EBF2: variants seen among roughly 807,000 people sequenced by gnomAD.
EBF2 encodes the protein transcription factor COE2.
Under a neutral mutation model 72.8 loss-of-function variants are expected in EBF2, and 21 were observed. The observed-to-expected ratio is 0.29, with a 90% CI of 0.20 to 0.42. The LOEUF (loss-of-function observed/expected upper bound fraction) is 0.42. Ranked by LOEUF, EBF2 falls within the 10% of genes least tolerant of loss-of-function variation. The probability of loss-of-function intolerance (pLI) is 1.00; values close to 1 mark genes in which losing one functional copy is unlikely to be tolerated. For synonymous variants in EBF2, 299 were observed against 274.2 expected, an observed-to-expected ratio of 1.09 and a Z score of -0.89; for missense variants, 637 against 731.2, an observed-to-expected ratio of 0.87 and a Z score of 1.49.
intron 5 of EBF2, among the ~76,000 whole-genome samples, chr8:26,035,692 A>G (rs1386246529): frequency 6.6e-6 from 1 of 152,186 alleles, no homozygotes; most frequent in East Asian, 1.9e-4. Flanking sequence ...TAGGAAGGAA[A>G]AGAAAAATGG....
intron 6 of EBF2, among the ~76,000 whole-genome samples, chr8:25,934,221 GCATACACACACA>G (rs1249945340): frequency 8.3e-4 from 90 of 108,192 alleles, no homozygotes; most frequent in African/African-American, 3.1e-3. Flanking sequence ...GACTTCATGT[GCATACACACACA>G]CACACACACA....
chr8:25,870,169 G>C (rs574975413), intron 10 of EBF2, among the ~76,000 whole-genome samples: 34 of 152,212 alleles, frequency 2.2e-4, no homozygotes, highest in African/African-American at 8.2e-4. Context: ...GAATCAACTA[G>C]CAAACACAAA....
intron 10 of EBF2, among the ~76,000 whole-genome samples, chr8:25,865,821 C>A (rs113886966): frequency 1.3e-5 from 2 of 151,388 alleles, no homozygotes; most frequent in African/African-American, 4.9e-5. Flanking sequence ...GTCAGGAGAT[C>A]GAGACTATCC....
chr8:25,879,658 C>G (rs1341250447), intron 10 of EBF2, among the ~76,000 whole-genome samples: 1 of 152,126 alleles, frequency 6.6e-6, no homozygotes, highest in Non-Finnish European at 1.5e-5. Context: ...TTCCTCCTAC[C>G]CTGACCACTC....
At chr8:25,852,451 C>T (rs1246218914) in intron 14 of EBF2, among the ~76,000 whole-genome samples, 1 of 152,222 alleles carries the variant, frequency 6.6e-6, no homozygotes, top group African/African-American at 2.4e-5. Flanking sequence ...TCTACAACAG[C>T]AGAACCTCCT....
At chr8:26,004,280 A>C (rs1804790377) in intron 6 of EBF2, among the ~76,000 whole-genome samples, 4 of 152,158 alleles carry the variant, frequency 2.6e-5, no homozygotes, top group Admixed American at 2.6e-4. Context: ...TTTTGGTAAA[A>C]TAGTTGCAAG....
At chr8:25,947,221 C>T (rs965357497) in intron 6 of EBF2, among the ~76,000 whole-genome samples, 17 of 152,034 alleles carry the variant, frequency 1.1e-4, no homozygotes, top group Non-Finnish European at 1.5e-4. Context: ...GTGGGTTTTT[C>T]CCATGATGTT....
chr8:25,910,883 T>C (rs1803114831), intron 6 of EBF2, among the ~76,000 whole-genome samples: 1 of 152,180 alleles, frequency 6.6e-6, no homozygotes, highest in Admixed American at 6.5e-5. Flanking sequence ...TAGTATCTTC[T>C]AAAAGAAGGT....
At chr8:25,850,896 A>G in intron 14 of EBF2, 135 bp from the exon 15 acceptor site, 4 of 963,630 alleles carry the variant, frequency 4.2e-6, no homozygotes, top group Non-Finnish European at 4.4e-6. Flanking sequence ...AAAAAAGTTG[A>G]ATGTGACAAC....
chr8:25,988,554 A>C (rs557709155), intron 6 of EBF2, among the ~76,000 whole-genome samples: 1 of 152,226 alleles, frequency 6.6e-6, no homozygotes, highest in African/African-American at 2.4e-5. Context: ...TCAATGAATA[A>C]ATCATCTGCT....
At chr8:25,947,399 C>T (rs576632383) in intron 6 of EBF2, among the ~76,000 whole-genome samples, 18 of 152,296 alleles carry the variant, frequency 1.2e-4, no homozygotes, top group Admixed American at 2.0e-4. Context: ...AAACCTCTTT[C>T]CTTTACAAAT....
chr8:26,024,068 A>T (rs1805258218), intron 6 of EBF2, among the ~76,000 whole-genome samples: 3 of 152,102 alleles, frequency 2.0e-5, no homozygotes, highest in African/African-American at 7.2e-5. Flanking sequence ...TAATCTCTCC[A>T]ACTTCTCTTA....
At chr8:25,854,082 A>G (rs898462084) in intron 14 of EBF2, among the ~76,000 whole-genome samples, 10 of 152,164 alleles carry the variant, frequency 6.6e-5, no homozygotes, top group Non-Finnish European at 1.5e-4. Context: ...ATTACATTTT[A>G]AAAATGGAAA....
At chr8:26,033,002 A>T in intron 6 of EBF2, 83 bp downstream of exon 6, 1 of 1,320,014 alleles carries the variant, frequency 7.6e-7, no homozygotes, top group Non-Finnish European at 1.1e-6. Flanking sequence ...CTTGACAGCA[A>T]AGCTCCATGG....
At chr8:25,885,878 A>C (rs912296451) in intron 10 of EBF2, among the ~76,000 whole-genome samples, 2 of 152,164 alleles carry the variant, frequency 1.3e-5, no homozygotes, top group African/African-American at 4.8e-5. Flanking sequence ...ACTAATACAC[A>C]TGCCTAGCAC....
In EBF2 at chr8:25,902,007, C is replaced by A. The variant is rs1187889728; in HGVS notation, c.633+6467G>T. ...TAGTGCCTGGCACACAGAATTTCAT[C>A]AGTAATATTGGCTGGGTGCATGAAT... is the stretch of plus-strand genomic sequence containing the variant. On this transcript the variant is annotated intron_variant, in intron 7 of 15. Transcript: ENST00000520164. Among the ~76,000 whole-genome samples, 5 of 152,184 alleles carry A rather than the reference C, an allele frequency of 3.3e-5. No homozygotes were observed. In the East Asian group the frequency reaches 9.6e-4, roughly 29 times the overall value.
intron 10 of EBF2, among the ~76,000 whole-genome samples, chr8:25,870,765 T>C (rs1241776123): frequency 6.6e-6 from 1 of 152,152 alleles, no homozygotes; most frequent in African/African-American, 2.4e-5. Context: ...TGGCAATTCA[T>C]GTTTTACACT....
In EBF2 at chr8:25,855,222, C is replaced by T. The variant is rs868049376; in HGVS notation, c.1528+3097G>A. 3.9e-5 allele frequency among the ~76,000 whole-genome samples: 6 copies of T among 152,066 alleles called. No individual in the cohort carries two copies. In the South Asian group the frequency reaches 6.2e-4, roughly 16 times the overall value. On this transcript the variant is annotated intron_variant, in intron 14 of 15. Coordinates refer to ENST00000520164, the MANE Select transcript of EBF2 (RefSeq NM_022659.4). ...TTGCATAGTCTCAGCTGGAACTCAC[C>T]GGGCACATATCCTCCTTTGCATCAA...
chr8:25,848,988 C>T (rs908659200), intron 15 of EBF2, among the ~76,000 whole-genome samples: 1 of 152,170 alleles, frequency 6.6e-6, no homozygotes, highest in Non-Finnish European at 1.5e-5. Flanking sequence ...AAGCTCTGGG[C>T]ACATTCCCTA....
Sources: allele counts gnomAD v4.1 joint callset (sites outside exome capture counted in the v4.1 genomes callset), GRCh38; gene constraint gnomAD v4.1.1; transcripts MANE v1.5; gene names NCBI Gene and HGNC (gene_info 2026-07-23, HGNC 2026-07-21).